SMYD3: variants seen among roughly 807,000 people sequenced by gnomAD.
SMYD3 encodes histone-lysine N-methyltransferase SMYD3.
SMYD3 carries 36 observed loss-of-function variants against 57.7 expected under a neutral mutation model. The observed-to-expected ratio is 0.62, with a 90% CI of 0.48 to 0.82. The LOEUF is 0.82. Among genes scored for constraint, SMYD3 ranks in the 40% least tolerant of loss-of-function variants. The probability of loss-of-function intolerance (pLI) is 0.00; values close to 1 mark genes in which losing one functional copy is unlikely to be tolerated. For missense variants in SMYD3, 515 were observed against 538.8 expected (o/e 0.96, Z 0.44); for synonymous variants, 211 against 195.0 (o/e 1.08, Z -0.68).
chr1:246,469,028 A>ACC (rs973044650), intron 1 of SMYD3, among the ~76,000 whole-genome samples: 11 of 152,186 alleles, frequency 7.2e-5, no homozygotes, highest in African/African-American at 2.7e-4. Context: ...GCTACTGCCT[A>ACC]CCCACTGGCC....
intron 5 of SMYD3, among the ~76,000 whole-genome samples, chr1:246,121,453 A>G (rs2061424740): frequency 7.8e-6 from 1 of 129,008 alleles, no homozygotes; most frequent in Non-Finnish European, 1.7e-5. Flanking sequence ...AAAAAAAAAA[A>G]GCTTTCCTAA....
chr1:246,073,693 G>A (rs2060496702), intron 5 of SMYD3, among the ~76,000 whole-genome samples: 1 of 152,122 alleles, frequency 6.6e-6, no homozygotes, highest in Non-Finnish European at 1.5e-5. Context: ...CTCCAGCCTA[G>A]GTGACAGGGC....
intron 5 of SMYD3, among the ~76,000 whole-genome samples, chr1:246,071,790 T>C (rs1301730145): frequency 2.0e-5 from 3 of 149,932 alleles, no homozygotes; most frequent in Non-Finnish European, 4.4e-5. Flanking sequence ...CCTGTAGTTC[T>C]GGGGAGGGAT....
chr1:245,971,333 A>C (rs1256407519), intron 5 of SMYD3, among the ~76,000 whole-genome samples: 1 of 152,194 alleles, frequency 6.6e-6, no homozygotes, highest in Non-Finnish European at 1.5e-5. Context: ...ATTAGAAGAA[A>C]TACCTAATGT....
At chr1:246,100,741 T>A (rs919868673) in intron 5 of SMYD3, among the ~76,000 whole-genome samples, 5 of 152,166 alleles carry the variant, frequency 3.3e-5, no homozygotes, top group Admixed American at 6.5e-5. Context: ...AGAAAATGAA[T>A]GCGACTCTCC....
intron 4 of SMYD3, 61 bp from the exon 5 acceptor site, chr1:246,327,398 A>T: frequency 6.8e-7 from 1 of 1,478,418 alleles, no homozygotes; most frequent in East Asian, 2.3e-5. Context: ...GATAATTTTC[A>T]AGTGTTCAAT....
At chr1:245,802,248 C>T (rs1033874792) in intron 10 of SMYD3, among the ~76,000 whole-genome samples, 4 of 152,004 alleles carry the variant, frequency 2.6e-5, no homozygotes, top group African/African-American at 4.8e-5. Flanking sequence ...GTGTTCCTGG[C>T]ATGGAGTTCT....
intron 1 of SMYD3, among the ~76,000 whole-genome samples, chr1:246,491,558 A>AG (rs60884693): frequency 0.016 from 2,306 of 147,984 alleles, 60 homozygotes; most frequent in African/African-American, 0.053. Context: ...AAAAAAAAAA[A>AG]AAGAGAGAGA....
At chr1:246,273,400 T>A (rs2064265909) in intron 5 of SMYD3, among the ~76,000 whole-genome samples, 2 of 151,666 alleles carry the variant, frequency 1.3e-5, no homozygotes, top group Non-Finnish European at 2.9e-5. Flanking sequence ...CCCACCCACC[T>A]CGGCCTCCCA....
At chr1:246,454,476 T>C (rs1309080927) in intron 1 of SMYD3, among the ~76,000 whole-genome samples, 1 of 152,182 alleles carries the variant, frequency 6.6e-6, no homozygotes, top group East Asian at 1.9e-4. Flanking sequence ...CCATATATAT[T>C]ACAGGAATAA....
intron 5 of SMYD3, among the ~76,000 whole-genome samples, chr1:246,121,732 T>C (rs1190926745): frequency 6.6e-6 from 1 of 152,078 alleles, no homozygotes; most frequent in Non-Finnish European, 1.5e-5. Context: ...TTGCAGGAAG[T>C]AGGAAGAACA....
At chr1:246,070,420 G>A (rs1312942802) in intron 5 of SMYD3, among the ~76,000 whole-genome samples, 1 of 152,122 alleles carries the variant, frequency 6.6e-6, no homozygotes, top group Non-Finnish European at 1.5e-5. Flanking sequence ...CTTTATACAC[G>A]TATCCATCTC....
intron 5 of SMYD3, among the ~76,000 whole-genome samples, chr1:246,282,199 G>C (rs2064458186): frequency 6.6e-6 from 1 of 150,532 alleles, no homozygotes; most frequent in African/African-American, 2.4e-5. Context: ...CAGGTGCAGT[G>C]GTTCATGCCC....
At chr1:246,164,659 G>C (rs2062176063) in intron 5 of SMYD3, among the ~76,000 whole-genome samples, 1 of 152,194 alleles carries the variant, frequency 6.6e-6, no homozygotes, top group South Asian at 2.1e-4. Flanking sequence ...TGAGCCACTT[G>C]TTTTTTGCTC....
intron 10 of SMYD3, among the ~76,000 whole-genome samples, chr1:245,846,450 G>A (rs1330962916): frequency 6.6e-6 from 1 of 152,210 alleles, no homozygotes; most frequent in Non-Finnish European, 1.5e-5. Context: ...TGTAGTAATA[G>A]TTTATACTTT....
chr1:246,035,933 G>A (rs1037108456), intron 5 of SMYD3, among the ~76,000 whole-genome samples: 6 of 152,178 alleles, frequency 3.9e-5, no homozygotes, highest in Admixed American at 2.0e-4. Context: ...GCATGTACCT[G>A]TCTTAAGTGA....
intron 5 of SMYD3, among the ~76,000 whole-genome samples, chr1:245,937,697 G>A (rs977109794): frequency 5.3e-5 from 8 of 152,142 alleles, no homozygotes; most frequent in Admixed American, 2.6e-4. Flanking sequence ...CTACCCAAAA[G>A]GTTTATCACA....
intron 5 of SMYD3, among the ~76,000 whole-genome samples, chr1:246,017,286 T>G (rs2059394321): frequency 6.6e-6 from 1 of 152,242 alleles, no homozygotes; most frequent in Non-Finnish European, 1.5e-5. Flanking sequence ...CACCTCCAAA[T>G]TGTGTATTTC....
intron 1 of SMYD3, among the ~76,000 whole-genome samples, chr1:246,424,084 G>C (rs1558458457): frequency 6.6e-6 from 1 of 152,144 alleles, no homozygotes; most frequent in Non-Finnish European, 1.5e-5. Context: ...AAGGATACCA[G>C]CTGGAAACAG....
Sources: gnomAD v4.1 joint callset for allele counts (sites outside exome capture counted in the v4.1 genomes callset) on GRCh38, gnomAD v4.1.1 for gene constraint, MANE v1.5 for transcripts, NCBI Gene and HGNC (gene_info 2026-07-23, HGNC 2026-07-21) for gene names.